Variants in WDR75 observed in about 807,000 individuals in gnomAD.
WDR75 encodes WD repeat-containing protein 75.
A neutral mutation model predicts 106.1 loss-of-function variants in WDR75; 52 were observed. The ratio of observed to expected loss-of-function variants is 0.49; its 90% CI spans 0.39 to 0.62. The LOEUF is 0.62. Among genes scored for constraint, WDR75 ranks in the 20% least tolerant of loss-of-function variants. WDR75 has a pLI of 0.00. For synonymous variants in WDR75, 333 were observed against 335.5 expected (o/e 0.99, Z 0.08); for missense variants, 905 against 970.3 (o/e 0.93, Z 0.89).
At chr2:189,446,444 T>G (rs534104970) in intron 1 of WDR75, among the ~76,000 whole-genome samples, 1 of 152,342 alleles carries the variant, frequency 6.6e-6, no homozygotes, top group African/African-American at 2.4e-5. Context: ...GGGCAGGTTA[T>G]ATATCGCAAA....
At chr2:189,450,450 C>A (rs879919178) in intron 2 of WDR75, 2 of 860,764 alleles carry the variant, frequency 2.3e-6, no homozygotes, top group Non-Finnish European at 2.8e-6. Context: ...GCAACCTCAG[C>A]CTCCCAAGTA....
Position 189,475,207 on chromosome 2 carries a change from T to A in WDR75, c.2289-6T>A. The A allele has an allele frequency of 6.3e-7, 1 of 1,593,058 alleles. No individual in the cohort carries two copies. Among genetic ancestry groups the A allele is most frequent in the African/African-American group, 1.4e-5 (1 of 74,022 alleles). ...GTGTTTATATTTTATTCTGTTATTG[T>A]TAAAGTGCTAAGGAAATTCCTGAAG... On this transcript the variant is annotated splice_polypyrimidine_tract_variant and splice_region_variant and intron_variant, in intron 20 of 20. Coordinates refer to ENST00000314761, the MANE Select transcript of WDR75 (RefSeq NM_032168.3).
intron 7 of WDR75, 145 bp from the exon 8 acceptor site, chr2:189,459,191 A>G: frequency 1.6e-6 from 1 of 643,098 alleles, no homozygotes; most frequent in Non-Finnish European, 2.5e-6. Context: ...CTGGTTAGAA[A>G]TAGAAAATGT....
chr2:189,458,928 C>A, intron 7 of WDR75, 56 bp downstream of exon 7: 2 of 1,526,950 alleles, frequency 1.3e-6, no homozygotes, highest in Non-Finnish European at 1.8e-6. Context: ...TACGTTAGTC[C>A]TGTAGAACAG....
At chr2:189,459,518 C>A in intron 8 of WDR75, 94 bp downstream of exon 8, 2 of 1,197,196 alleles carry the variant, frequency 1.7e-6, no homozygotes, top group Non-Finnish European at 2.4e-6. Flanking sequence ...TTTAAAACTG[C>A]ATGAGCCAAA....
At position 189,475,543 on chromosome 2, in the gene WDR75, T is replaced by C. The variant is rs1687196868; in HGVS notation, c.*126T>C. On this transcript the variant is annotated 3_prime_UTR_variant, in exon 21 of 21. Transcript: ENST00000314761. ...TAATAAATATTAACAAACTTTGCTT[T>C]TTTAAAAAACTGATAATATGAACAT... The C allele has an allele frequency of 1.5e-6, 1 of 651,540 alleles. No homozygotes were observed. 40.4% of individuals were successfully genotyped at this position (651,540 alleles called of 1,614,324 possible). A position where few individuals can be genotyped will look rare whatever the true frequency, so the allele number is the denominator to read the frequency against.
chr2:189,445,206 G>GT (rs1558979979), intron 1 of WDR75, among the ~76,000 whole-genome samples: 1 of 152,200 alleles, frequency 6.6e-6, no homozygotes, highest in African/African-American at 2.4e-5. Flanking sequence ...GTTTAAAGAG[G>GT]TTAAGTAAAT....
intron 15 of WDR75, 138 bp downstream of exon 15, chr2:189,468,707 C>A: frequency 2.7e-6 from 2 of 743,114 alleles, no homozygotes; most frequent in Non-Finnish European, 4.3e-6. Flanking sequence ...CATATGATGC[C>A]ACCAAAATTT....
chr2:189,457,464 A>G lies in WDR75; in HGVS notation c.569+83A>G, dbSNP rs544405857. 7 of 859,274 alleles carry G rather than the reference A, an allele frequency of 8.1e-6. No individual in the cohort carries two copies. In the South Asian group the frequency reaches 1.1e-4, roughly 13 times the overall value. 53.2% of individuals were successfully genotyped at this position (859,274 alleles called of 1,614,324 possible). On this transcript the variant is annotated intron_variant, in intron 6 of 20. Coordinates refer to ENST00000314761, the MANE Select transcript of WDR75 (RefSeq NM_032168.3). Reference sequence around the variant, plus strand: ...ATTTCTTCCTAATACCTATAGTCCAAAGCTATTCCTAGTTTTATGTTGCAA... The same window carrying G: ...ATTTCTTCCTAATACCTATAGTCCAGAGCTATTCCTAGTTTTATGTTGCAA...
At chr2:189,456,282 C>T (rs535187812) in intron 5 of WDR75, among the ~76,000 whole-genome samples, 61 of 152,166 alleles carry the variant, frequency 4.0e-4, no homozygotes, top group Admixed American at 1.4e-3. Context: ...ATTTACCTAG[C>T]GATTCCATTC....
At chr2:189,461,998 T>C (rs1257242827) in intron 8 of WDR75, among the ~76,000 whole-genome samples, 1 of 152,238 alleles carries the variant, frequency 6.6e-6, no homozygotes, top group East Asian at 1.9e-4. Context: ...TTCCTTTTGT[T>C]CTGTAAGTGG....
chr2:189,464,089 C>G (rs368785950), intron 11 of WDR75, 128 bp downstream of exon 11: 7 of 786,716 alleles, frequency 8.9e-6, no homozygotes, highest in Non-Finnish European at 1.4e-5. Flanking sequence ...TAGTATTATC[C>G]GTGGTTACTT....
At chr2:189,450,451 C>A in intron 2 of WDR75, 1 of 859,752 alleles carries the variant, frequency 1.2e-6, no homozygotes, top group Non-Finnish European at 1.4e-6. Context: ...CAACCTCAGC[C>A]TCCCAAGTAG....
At chr2:189,473,331 T>A (rs576627642) in intron 18 of WDR75, among the ~76,000 whole-genome samples, 2 of 152,056 alleles carry the variant, frequency 1.3e-5, no homozygotes, top group South Asian at 4.2e-4. Context: ...AGAGAAGGAG[T>A]TGATCTTGCC....
rs369366710 is a variant in WDR75, at chr2:189,474,666, C to T, written c.2197-51C>T. The T allele has an allele frequency of 5.5e-6, 8 of 1,459,294 alleles. No individual in the cohort carries two copies. In the African/African-American group the frequency reaches 8.4e-5, roughly 15 times the overall value. 90.4% of individuals were successfully genotyped at this position (1,459,294 alleles called of 1,614,324 possible). Reference sequence around the variant, plus strand: ...GTGAGGACACTGTAGGAACAGACTGCGGTGGAGGATAAGCTTTTTAATTGC... The same window carrying T: ...GTGAGGACACTGTAGGAACAGACTGTGGTGGAGGATAAGCTTTTTAATTGC... On this transcript the variant is annotated intron_variant, in intron 19 of 20. Coordinates refer to ENST00000314761, the MANE Select transcript of WDR75 (RefSeq NM_032168.3).
At chr2:189,458,627 A>G in intron 6 of WDR75, 126 bp from the exon 7 acceptor site, 1 of 728,486 alleles carries the variant, frequency 1.4e-6, no homozygotes, top group Non-Finnish European at 2.0e-6. Flanking sequence ...TCCTGCAGTT[A>G]TATTTATTGA....
Position 189,470,110 on chromosome 2 carries a change from G to A in WDR75, c.1854G>A (p.Leu618=), listed in dbSNP as rs1219252069. The stretch of plus-strand genomic sequence containing the variant: ...TTAAACCTAGTGAGCCAAGGCCATT[G>A]TATATTCAAAAGGGTATCTCCAGAG... ...FVFKPSEPRP[L]YIQKGISREK... Residue 618 remains leucine, a synonymous_variant, in exon 17 of 21, where the codon TTG becomes TTA. Coordinates refer to ENST00000314761, the MANE Select transcript of WDR75 (RefSeq NM_032168.3). 2.5e-6 allele frequency: 4 copies of A among 1,613,128 alleles called. No individual in the cohort carries two copies. Among genetic ancestry groups the A allele is most frequent in the Middle Eastern group, 1.7e-4 (1 of 6,050 alleles).
chr2:189,466,817 G>A (rs902398984), intron 13 of WDR75, among the ~76,000 whole-genome samples: 2 of 151,868 alleles, frequency 1.3e-5, no homozygotes, highest in Non-Finnish European at 2.9e-5. Context: ...TTTTTTTAGG[G>A]TAAAGTAAAA....
At chr2:189,454,809 C>G (rs76945336) in intron 4 of WDR75, among the ~76,000 whole-genome samples, 15 of 152,184 alleles carry the variant, frequency 9.9e-5, no homozygotes, top group African/African-American at 3.6e-4. Flanking sequence ...ATATTTGGGG[C>G]ATTTATGTAC....
Sources: gnomAD v4.1 joint callset for allele counts (sites outside exome capture counted in the v4.1 genomes callset) on GRCh38, gnomAD v4.1.1 for gene constraint, MANE v1.5 for transcripts, NCBI Gene and HGNC (gene_info 2026-07-23, HGNC 2026-07-21) for gene names.